Variants in GRM8 observed in about 807,000 individuals in gnomAD.
GRM8 encodes the protein metabotropic glutamate receptor 8.
A neutral mutation model predicts 87.2 loss-of-function variants in GRM8; 47 were observed. The ratio of observed to expected loss-of-function variants is 0.54; its 90% CI spans 0.43 to 0.69. The LOEUF (loss-of-function observed/expected upper bound fraction) is 0.69. Among genes scored for constraint, GRM8 ranks in the 30% least tolerant of loss-of-function variants. GRM8 has a pLI of 0.00. For synonymous variants in GRM8, 396 were observed against 404.5 expected (o/e 0.98, Z 0.25); for missense variants, 1,019 against 1,139.2 (o/e 0.89, Z 1.52).
chr7:126,818,228 AC>A, intron 6 of GRM8, among the ~76,000 whole-genome samples: 1 of 152,174 alleles, frequency 6.6e-6, no homozygotes, highest in Non-Finnish European at 1.5e-5. Flanking sequence ...TCTCATTTGT[AC>A]CAGTCAAACA....
At chr7:126,598,049 A>G (rs1797377095) in intron 8 of GRM8, among the ~76,000 whole-genome samples, 1 of 151,932 alleles carries the variant, frequency 6.6e-6, no homozygotes, top group African/African-American at 2.4e-5. Flanking sequence ...TGTACCCACT[A>G]CCTAGCCTTC....
chr7:126,492,604 T>A (rs1390874322), intron 9 of GRM8, among the ~76,000 whole-genome samples: 1 of 152,064 alleles, frequency 6.6e-6, no homozygotes, highest in Non-Finnish European at 1.5e-5. Flanking sequence ...TTTATTAATA[T>A]AGTTGGGTCA....
chr7:127,127,410 T>C (rs1458391568), intron 2 of GRM8, among the ~76,000 whole-genome samples: 1 of 151,986 alleles, frequency 6.6e-6, no homozygotes, highest in Non-Finnish European at 1.5e-5. Flanking sequence ...GGTGACTGAA[T>C]AAACAAACTG....
At chr7:126,531,430 C>G (rs1471965469) in intron 9 of GRM8, among the ~76,000 whole-genome samples, 1 of 152,212 alleles carries the variant, frequency 6.6e-6, no homozygotes, top group East Asian at 1.9e-4. Context: ...CACACTCAAT[C>G]ATATCTGCAT....
intron 3 of GRM8, among the ~76,000 whole-genome samples, chr7:127,036,852 T>C (rs112165421): frequency 0.011 from 1,674 of 152,194 alleles, 26 homozygotes; most frequent in African/African-American, 0.037. Flanking sequence ...ACTAACCAGG[T>C]TTTTCTTTTT....
At chr7:126,495,608 C>G (rs1225226903) in intron 9 of GRM8, among the ~76,000 whole-genome samples, 1 of 151,908 alleles carries the variant, frequency 6.6e-6, no homozygotes, top group Non-Finnish European at 1.5e-5. Context: ...ACAGTGCCTG[C>G]TGAGTAACAA....
chr7:126,852,683 T>C (rs1319733884), intron 6 of GRM8, among the ~76,000 whole-genome samples: 1 of 152,198 alleles, frequency 6.6e-6, no homozygotes. Flanking sequence ...TTTCAAGTGT[T>C]GTATTTGCAA....
intron 7 of GRM8, among the ~76,000 whole-genome samples, chr7:126,727,266 T>C (rs1370698304): frequency 6.6e-6 from 1 of 151,984 alleles, no homozygotes; most frequent in Non-Finnish European, 1.5e-5. Flanking sequence ...TTTGAGTGCA[T>C]TAAGAACATA....
intron 7 of GRM8, among the ~76,000 whole-genome samples, chr7:126,676,271 G>A (rs1806949760): frequency 6.6e-6 from 1 of 152,102 alleles, no homozygotes; most frequent in Non-Finnish European, 1.5e-5. Context: ...TGAATGAGAA[G>A]AATTAATATT....
chr7:126,943,574 T>C (rs1807205960), intron 3 of GRM8, among the ~76,000 whole-genome samples: 1 of 152,238 alleles, frequency 6.6e-6, no homozygotes, highest in Admixed American at 6.5e-5. Flanking sequence ...ATCTTCTCCA[T>C]ATCAAATCCA....
chr7:127,241,253 G>T (rs1798276490), intron 2 of GRM8, among the ~76,000 whole-genome samples: 2 of 152,124 alleles, frequency 1.3e-5, no homozygotes, highest in Admixed American at 1.3e-4. Flanking sequence ...CCATGAGTGG[G>T]CCAGACTAGA....
chr7:126,592,682 A>G (rs1796801428), intron 8 of GRM8, among the ~76,000 whole-genome samples: 1 of 151,832 alleles, frequency 6.6e-6, no homozygotes, highest in Admixed American at 6.6e-5. Context: ...TATATGACAA[A>G]CCCGTAGCTA....
intron 8 of GRM8, among the ~76,000 whole-genome samples, chr7:126,568,259 T>A (rs1794409901): frequency 6.6e-6 from 1 of 152,150 alleles, no homozygotes; most frequent in South Asian, 2.1e-4. Flanking sequence ...ATATTCTGTT[T>A]AAAGTGAACA....
At position 126,533,345 on chromosome 7, in the gene GRM8, C is replaced by T; in HGVS notation, c.2037G>A (p.Gln679=). The T allele has an allele frequency of 6.2e-7, 1 of 1,613,814 alleles. No homozygotes were observed. The highest frequency in any genetic ancestry group is 8.5e-7 in the Non-Finnish European group (1 of 1,179,888). The part of the protein sequence containing the change: ...KTNRIHRIFE[Q]GKKSVTAPKF... ...TGGGCGCTGTGACAGATTTCTTCCC[C>T]TGCTCAAATATTCGGTGGATACGGT... The change falls in exon 9 of 11, where the codon CAG becomes CAA. Residue 679 remains glutamine (Q), a synonymous_variant. Transcript: ENST00000339582.
chr7:126,934,547 A>C (rs141389133), intron 3 of GRM8, among the ~76,000 whole-genome samples: 35 of 152,368 alleles, frequency 2.3e-4, no homozygotes, highest in African/African-American at 7.2e-4. Flanking sequence ...TAAGGGTCAG[A>C]GACAGAAATC....
At chr7:126,800,784 A>G (rs1272247512) in intron 6 of GRM8, among the ~76,000 whole-genome samples, 4 of 151,912 alleles carry the variant, frequency 2.6e-5, no homozygotes, top group African/African-American at 9.7e-5. Flanking sequence ...CTGCCTTGAG[A>G]AAGACTTTTA....
rs1396079675 is a variant in GRM8 at position 127,003,697 on chromosome 7, A to G, written c.728-99014T>C. ...AAACTTGAACAATGGTAGACAGACTAATTGTTTTCTACAATTATATCTGCT... is the reference window on the plus strand; with the variant it reads ...AAACTTGAACAATGGTAGACAGACTGATTGTTTTCTACAATTATATCTGCT... On this transcript the variant is annotated intron_variant, in intron 3 of 10. Coordinates refer to ENST00000339582, the MANE Select transcript of GRM8 (RefSeq NM_000845.3). Among the ~76,000 whole-genome samples the G allele has an allele frequency of 2.6e-5, 4 of 151,900 alleles. No homozygotes were observed. The East Asian group carries it at 7.7e-4, about 29-fold the overall frequency.
At chr7:126,489,717 C>A (rs1807783679) in intron 9 of GRM8, among the ~76,000 whole-genome samples, 1 of 151,934 alleles carries the variant, frequency 6.6e-6, no homozygotes, top group South Asian at 2.1e-4. Context: ...TATGTGTTAA[C>A]TTAACTAGAC....
At chr7:127,022,125 T>C (rs1816330570) in intron 3 of GRM8, among the ~76,000 whole-genome samples, 1 of 152,034 alleles carries the variant, frequency 6.6e-6, no homozygotes. Context: ...TTGGATCTTA[T>C]TAGAATAACA....
Sources: gnomAD v4.1 joint callset for allele counts (sites outside exome capture counted in the v4.1 genomes callset) on GRCh38, gnomAD v4.1.1 for gene constraint, MANE v1.5 for transcripts, NCBI Gene and HGNC (gene_info 2026-07-23, HGNC 2026-07-21) for gene names.